CRB2: variants seen among roughly 807,000 people sequenced by gnomAD.
CRB2 encodes protein crumbs homolog 2.
A neutral mutation model predicts 110.9 loss-of-function variants in CRB2; 85 were observed. The observed-to-expected ratio is 0.77, with a 90% CI of 0.64 to 0.92. The LOEUF (loss-of-function observed/expected upper bound fraction) is 0.92. Among genes scored for constraint, CRB2 ranks in the 40% least tolerant of loss-of-function variants. CRB2 has a pLI of 0.00. For missense variants in CRB2, 1,843 were observed against 1,851.3 expected, an observed-to-expected ratio of 1.00 and a Z score of 0.08; for synonymous variants, 907 against 831.0, an observed-to-expected ratio of 1.09 and a Z score of -1.57.
At position 123,378,543 on chromosome 9, in the gene CRB2, G is replaced by C. The variant is rs1588227133; in HGVS notation, c.*1481G>C. On this transcript the variant is annotated 3_prime_UTR_variant, in exon 13 of 13. Coordinates refer to ENST00000373631, the MANE Select transcript of CRB2 (RefSeq NM_173689.7). ...AGTCAGCAGACGCTGGGATAGAGAG[G>C]GCCCTGAACACCAGGCTCAGGGGCT... 6.6e-6 allele frequency: 1 copy of C among 152,238 alleles called. No individual in the cohort carries two copies. 9.4% of individuals were successfully genotyped at this position (152,238 alleles called of 1,614,324 possible). A position where few individuals can be genotyped will look rare whatever the true frequency, so the allele number is the denominator to read the frequency against.
rs1588224766 is a variant in CRB2, at chr9:123,377,387, C to T, written c.*325C>T. ...GGAGGAGTGTGTGTGTGAGTGTGTA[C>T]CTGGGCCTGTGTTAGTCTGCAGATG... On this transcript the variant is annotated 3_prime_UTR_variant, in exon 13 of 13. Transcript: ENST00000373631. The T allele has an allele frequency of 7.2e-6, 2 of 279,392 alleles. No homozygotes were observed. The highest frequency in any genetic ancestry group is 2.2e-5 in the African/African-American group (1 of 45,758). 17.3% of individuals were successfully genotyped at this position (279,392 alleles called of 1,614,324 possible).
rs772414031 is a variant in CRB2, at chr9:123,373,696, C to G, written c.3165C>G (p.Arg1055=). ...CGCCGGCCCCGATCCTCGGCTGCCG[C>G]GGCGCGCCCGTGTGTGCGCCCTCGC... The part of the protein sequence containing the change: ...PGTPAPILGC[R]GAPVCAPSPC... The change falls in exon 10 of 13, where the codon CGC becomes CGG. Residue 1055 remains arginine (R), a synonymous_variant. Transcript: ENST00000373631. The G allele has an allele frequency of 1.3e-6, 2 of 1,487,512 alleles. No homozygotes were observed. Among genetic ancestry groups the G allele is most frequent in the Middle Eastern group, 1.7e-4 (1 of 5,788 alleles). The allele number at this position is 1,487,512 out of a possible 1,614,324, so 92.1% of individuals were successfully genotyped here.
At position 123,376,703 on chromosome 9, in the gene CRB2, ACTGCTCCCAGGGCAGC is replaced by A. The variant is rs1462596511; in HGVS notation, c.3634-124_3634-109del. The A allele has an allele frequency of 4.6e-5, 38 of 832,868 alleles. No homozygotes were observed. In the African/African-American group the frequency reaches 5.0e-4, roughly 11 times the overall value. The allele number at this position is 832,868 out of a possible 1,614,324, so 51.6% of individuals were successfully genotyped here. A position where few individuals can be genotyped will look rare whatever the true frequency, so the allele number is the denominator to read the frequency against. On this transcript the variant is annotated intron_variant, in intron 12 of 12. Transcript: ENST00000373631. ...TGCATACCCCTGGGGCTGGGTCTTC[ACTGCTCCCAGGGCAGC>A]CTGCTCCCAGCTCTGATTTTCTCTG... is the stretch of plus-strand genomic sequence containing the variant.
In CRB2 at chr9:123,378,618, C is replaced by G. The variant is rs1307348163; in HGVS notation, c.*1556C>G. 1 of 152,206 alleles carries G rather than the reference C, an allele frequency of 6.6e-6. No individual in the cohort carries two copies. Among genetic ancestry groups the G allele is most frequent in the African/African-American group, 2.4e-5 (1 of 41,422 alleles). The allele number at this position is 152,206 out of a possible 1,614,324, so 9.4% of individuals were successfully genotyped here. A position where few individuals can be genotyped will look rare whatever the true frequency, so the allele number is the denominator to read the frequency against. ...GTGGGACCACCTTTCCCTGAACTTT[C>G]TCTACAACCCTTGGGAGCGTGGGGA... is the stretch of plus-strand genomic sequence containing the variant. On this transcript the variant is annotated 3_prime_UTR_variant, in exon 13 of 13. Coordinates refer to ENST00000373631, the MANE Select transcript of CRB2 (RefSeq NM_173689.7).
chr9:123,366,944 C>A (rs1323945418), intron 4 of CRB2, among the ~76,000 whole-genome samples: 133 of 133,924 alleles, frequency 9.9e-4, no homozygotes, highest in Non-Finnish European at 1.2e-3. Flanking sequence ...GATTCTATCT[C>A]AAAAAAAAAA....
In CRB2 at chr9:123,373,818, A is replaced by ACCCCTGTCACTCCGC. The variant is rs1247037563; in HGVS notation, c.3294_3308dup (p.His1099_Cys1103dup). ...GGCCCGCGCTGCGAAGCCCACGTCG[A>ACCCCTGTCACTCCGC]CCCCTGTCACTCCGCCCCCTGCGCC... On this transcript the variant is annotated inframe_insertion, in exon 10 of 13. Transcript: ENST00000373631. 2.5e-6 allele frequency: 4 copies of ACCCCTGTCACTCCGC among 1,580,820 alleles called. No individual in the cohort carries two copies. The highest frequency in any genetic ancestry group is 2.3e-5 in the East Asian group (1 of 43,482).
At position 123,374,609 on chromosome 9, in the gene CRB2, G is replaced by T; in HGVS notation, c.3420G>T (p.Leu1140=). The T allele has an allele frequency of 6.2e-7, 1 of 1,613,530 alleles. No individual in the cohort carries two copies. Among genetic ancestry groups the T allele is most frequent in the Non-Finnish European group, 8.5e-7 (1 of 1,179,948 alleles). Residue 1140 remains leucine, a synonymous_variant, in exon 11 of 13, where the codon CTG becomes CTT. Coordinates refer to ENST00000373631, the MANE Select transcript of CRB2 (RefSeq NM_173689.7). ...RLPVPSKECS[L]NVTCLDGSPC... Reference sequence around the variant, plus strand: ...CTGTCCCATCCAAGGAGTGCAGCCTGAATGTCACCTGCCTCGATGGCAGCC... The same window carrying T: ...CTGTCCCATCCAAGGAGTGCAGCCTTAATGTCACCTGCCTCGATGGCAGCC...
intron 6 of CRB2, among the ~76,000 whole-genome samples, chr9:123,368,358 T>TG (rs1215280482): frequency 4.6e-5 from 7 of 151,280 alleles, no homozygotes; most frequent in Non-Finnish European, 7.4e-5. Flanking sequence ...CAGCCCTGGA[T>TG]GGCTGACACT....
Position 123,372,209 on chromosome 9 carries a change from C to G in CRB2, c.2469C>G (p.Leu823=). 6.2e-7 allele frequency: 1 copy of G among 1,614,092 alleles called. No homozygotes were observed. The highest frequency in any genetic ancestry group is 2.2e-5 in the East Asian group (1 of 44,888). ...PDPCFNGGTC[L]VTWNDFHCTC... ...CCTGTTTCAATGGTGGGACTTGCCT[C>G]GTCACCTGGAATGACTTCCACTGTA... The change falls in exon 9 of 13, where the codon CTC becomes CTG. Residue 823 remains leucine (L), a synonymous_variant. Transcript: ENST00000373631.
intron 9 of CRB2, among the ~76,000 whole-genome samples, chr9:123,372,817 G>A (rs1430926442): frequency 6.6e-6 from 1 of 152,208 alleles, no homozygotes; most frequent in Non-Finnish European, 1.5e-5. Flanking sequence ...ATGAGGTGGG[G>A]CAGCTTCACG....
chr9:123,376,956 G>A lies in CRB2; in HGVS notation c.3752G>A (p.Arg1251His), dbSNP rs367801499. 84 of 1,606,552 alleles carry A rather than the reference G, an allele frequency of 5.2e-5. No homozygotes were observed. The highest frequency in any genetic ancestry group is 1.9e-4 in the Admixed American group (11 of 58,992). ...LLSGILAARK[R>H]RQSEGTYSPS... is the part of the protein sequence containing the mutation. The stretch of plus-strand genomic sequence containing the variant: ...TCAGGGATCCTGGCAGCCCGAAAGC[G>A]CCGCCAGTCTGAGGGCACCTACAGC... The change falls in exon 13 of 13, where the codon CGC becomes CAC. Residue 1251 changes from arginine (R) to histidine (H), a missense_variant. Arg to His is a conservative substitution (Grantham distance 29, BLOSUM62 0). Transcript: ENST00000373631.
intron 1 of CRB2, among the ~76,000 whole-genome samples, chr9:123,361,133 G>GGT (rs1554781906): frequency 1.7e-4 from 11 of 66,354 alleles, no homozygotes; most frequent in South Asian, 5.1e-4. Context: ...TTGGATGGGC[G>GGT]GGGAGGGGGG....
rs148134170 is a variant in CRB2 at position 123,370,624 on chromosome 9, T to C, written c.1571T>C (p.Val524Ala). ...GATGGCCATTGGCACCAGGTGGAGGTTGTGCTCCATCTAGCGACCCTGGAG... is the reference window on the plus strand; with the variant it reads ...GATGGCCATTGGCACCAGGTGGAGGCTGTGCTCCATCTAGCGACCCTGGAG... The part of the protein sequence containing the change: ...LNDGHWHQVE[V>A]VLHLATLELR... Residue 524 changes from valine (V) to alanine (A), a missense_variant, in exon 7 of 13, where the codon GTT becomes GCT. Coordinates refer to ENST00000373631, the MANE Select transcript of CRB2 (RefSeq NM_173689.7). The C allele has an allele frequency of 2.5e-6, 4 of 1,611,532 alleles. No individual in the cohort carries two copies. In the Admixed American group the frequency reaches 5.0e-5, roughly 20 times the overall value.
intron 1 of CRB2, among the ~76,000 whole-genome samples, chr9:123,359,734 G>A (rs2041845589): frequency 6.6e-6 from 1 of 152,144 alleles, no homozygotes; most frequent in Non-Finnish European, 1.5e-5. Flanking sequence ...ACAGGTGTGA[G>A]CCACTGCACC....
chr9:123,360,658 T>C (rs980823571), intron 1 of CRB2, among the ~76,000 whole-genome samples: 5 of 152,186 alleles, frequency 3.3e-5, no homozygotes, highest in Non-Finnish European at 7.3e-5. Context: ...TCCAGGAATC[T>C]GTATTCTTAA....
rs769363705 is a variant in CRB2, at chr9:123,373,684, C to T, written c.3153C>T (p.Ile1051=). ...CTTGGCCTGGGACGCCGGCCCCGAT[C>T]CTCGGCTGCCGCGGCGCGCCCGTGT... The part of the protein sequence containing the change: ...FASWPGTPAP[I]LGCRGAPVCA... Residue 1051 remains isoleucine, a synonymous_variant, in exon 10 of 13, where the codon ATC becomes ATT. Coordinates refer to ENST00000373631, the MANE Select transcript of CRB2 (RefSeq NM_173689.7). The T allele has an allele frequency of 1.4e-5, 20 of 1,470,264 alleles. No individual in the cohort carries two copies. Among genetic ancestry groups the T allele is most frequent in the Admixed American group, 5.1e-5 (2 of 39,120 alleles). 91.1% of individuals were successfully genotyped at this position (1,470,264 alleles called of 1,614,324 possible). A position where few individuals can be genotyped will look rare whatever the true frequency, so the allele number is the denominator to read the frequency against.
chr9:123,367,064 C>T, intron 4 of CRB2, 108 bp from the exon 5 acceptor site: 2 of 1,200,834 alleles, frequency 1.7e-6, no homozygotes, highest in South Asian at 1.6e-5. Context: ...CCATTCGTGG[C>T]TTATTCCGAG....
chr9:123,371,695 G>A, intron 8 of CRB2, 117 bp downstream of exon 8: 1 of 1,427,398 alleles, frequency 7.0e-7, no homozygotes, highest in Non-Finnish European at 9.6e-7. Flanking sequence ...GGCTCAGGAG[G>A]TGAAGTGACC....
At chr9:123,374,721 G>T in intron 11 of CRB2, 26 bp downstream of exon 11, 1 of 1,539,186 alleles carries the variant, frequency 6.5e-7, no homozygotes. Flanking sequence ...TGGGAACTGT[G>T]AGGAGGTCCA....
Sources: gnomAD v4.1 joint callset for allele counts (sites outside exome capture counted in the v4.1 genomes callset) on GRCh38, gnomAD v4.1.1 for gene constraint, MANE v1.5 for transcripts, NCBI Gene and HGNC (gene_info 2026-07-23, HGNC 2026-07-21) for gene names.